Variants in VANGL1 observed in about 807,000 individuals in gnomAD.
VANGL1 encodes vang-like protein 1.
A neutral mutation model predicts 48.4 loss-of-function variants in VANGL1; 18 were observed. The ratio of observed to expected loss-of-function variants is 0.37; its 90% confidence interval spans 0.26 to 0.55. VANGL1 has a LOEUF of 0.55. Among genes scored for constraint, VANGL1 ranks in the 20% least tolerant of loss-of-function variants. The pLI is 0.81. For missense variants in VANGL1, 667 were observed against 675.8 expected (o/e 0.99, Z 0.14); for synonymous variants, 257 against 261.8 (o/e 0.98, Z 0.18).
chr1:115,692,761 C>T lies in VANGL1; in HGVS notation c.*1382C>T, dbSNP rs553736072. 2.6e-4 allele frequency: 40 copies of T among 152,438 alleles called. No homozygotes were observed. Among genetic ancestry groups the T allele is most frequent in the African/African-American group, 8.4e-4 (35 of 41,590 alleles). 9.4% of individuals were successfully genotyped at this position (152,438 alleles called of 1,614,324 possible). ...GAGCCCTGCTGCAGGGGAGCTCCTT[C>T]AGGAGCCCCATCCGGACCTCTTGCA... On this transcript the variant is annotated 3_prime_UTR_variant, in exon 8 of 8. Transcript: ENST00000355485.
intron 4 of VANGL1, among the ~76,000 whole-genome samples, chr1:115,675,043 A>G (rs1214377364): frequency 1.3e-5 from 2 of 152,094 alleles, no homozygotes; most frequent in Admixed American, 1.3e-4. Context: ...TATGGTCACG[A>G]TTGTTTCCTT....
intron 2 of VANGL1, 97 bp from the exon 3 acceptor site, chr1:115,659,544 T>A: frequency 6.7e-7 from 1 of 1,491,750 alleles, no homozygotes; most frequent in South Asian, 1.1e-5. Context: ...TGTGTGTATG[T>A]AGAATTTCCC....
intron 3 of VANGL1, among the ~76,000 whole-genome samples, chr1:115,661,333 A>G (rs1004619793): frequency 6.6e-6 from 1 of 152,002 alleles, no homozygotes; most frequent in Admixed American, 6.6e-5. Context: ...TTTCTAGTCA[A>G]TCTCTGCCCC....
intron 4 of VANGL1, among the ~76,000 whole-genome samples, chr1:115,676,430 G>A (rs992199749): frequency 6.6e-6 from 1 of 152,202 alleles, no homozygotes; most frequent in Admixed American, 6.5e-5. Flanking sequence ...CTCTGGAGGA[G>A]GTTGGTACAG....
Position 115,687,986 on chromosome 1 carries a change from A to ATAGATAGATAGG in VANGL1, c.1314+2463_1314+2464insTAGATAGGTAGA, listed in dbSNP as rs1264696721. Among the ~76,000 whole-genome samples the ATAGATAGATAGG allele has an allele frequency of 9.7e-5, 13 of 134,232 alleles. 3 individuals are homozygous for ATAGATAGATAGG. The highest frequency in any genetic ancestry group is 2.4e-4 in the Admixed American group (3 of 12,654). 88.1% of individuals were successfully genotyped at this position (134,232 alleles called of 152,430 possible). On this transcript the variant is annotated intron_variant, in intron 7 of 7. Coordinates refer to ENST00000355485, the MANE Select transcript of VANGL1 (RefSeq NM_138959.3). ...GATAGATAGATAGATAGATAGATAG[A>ATAGATAGATAGG]TAGACACATAGATAGATACATAGAT... is the stretch of plus-strand genomic sequence containing the variant.
chr1:115,676,249 C>T (rs1271231052), intron 4 of VANGL1, among the ~76,000 whole-genome samples: 2 of 152,108 alleles, frequency 1.3e-5, no homozygotes, highest in Non-Finnish European at 2.9e-5. Flanking sequence ...AGTACTCCTA[C>T]AATGGATGCC....
chr1:115,645,530 G>A (rs1264421345), intron 1 of VANGL1, among the ~76,000 whole-genome samples: 3 of 152,188 alleles, frequency 2.0e-5, no homozygotes, highest in African/African-American at 7.2e-5. Context: ...GAGCAGTTAA[G>A]TAACTTGTTC....
At chr1:115,676,912 C>T (rs1391482789) in intron 4 of VANGL1, among the ~76,000 whole-genome samples, 1 of 152,214 alleles carries the variant, frequency 6.6e-6, no homozygotes, top group African/African-American at 2.4e-5. Flanking sequence ...TCAGGGTTTT[C>T]TGTGCTGCTC....
At chr1:115,682,285 C>T in intron 4 of VANGL1, 79 bp from the exon 5 acceptor site, 1 of 1,579,134 alleles carries the variant, frequency 6.3e-7, no homozygotes, top group Non-Finnish European at 8.6e-7. Flanking sequence ...CTTTACCTGA[C>T]TCCAAAAGAG....
At chr1:115,649,710 T>G (rs1346100609) in intron 1 of VANGL1, among the ~76,000 whole-genome samples, 1 of 152,220 alleles carries the variant, frequency 6.6e-6, no homozygotes, top group South Asian at 2.1e-4. Flanking sequence ...TGGGGCCTGA[T>G]AGCTAATAAG....
chr1:115,655,175 CAGAG>C (rs1652297604), intron 2 of VANGL1, among the ~76,000 whole-genome samples: 2 of 152,124 alleles, frequency 1.3e-5, no homozygotes, highest in Admixed American at 6.5e-5. Flanking sequence ...CAGCAGCCAG[CAGAG>C]AGAAAGGACG....
In VANGL1 at chr1:115,695,506, G is replaced by A. The variant is rs1027122546; in HGVS notation, c.*4127G>A. On this transcript the variant is annotated 3_prime_UTR_variant, in exon 8 of 8. Coordinates refer to ENST00000355485, the MANE Select transcript of VANGL1 (RefSeq NM_138959.3). ...CTTGATTGGTATTCAGTGCAGTAGC[G>A]AAATGAGATAGTTTAGACACTGTTG... 3 of 152,770 alleles carry A rather than the reference G, an allele frequency of 2.0e-5. No individual in the cohort carries two copies. Among genetic ancestry groups the A allele is most frequent in the Admixed American group, 6.5e-5 (1 of 15,304 alleles). 9.5% of individuals were successfully genotyped at this position (152,770 alleles called of 1,614,324 possible).
chr1:115,668,489 T>A (rs72701666), intron 4 of VANGL1, among the ~76,000 whole-genome samples: 1 of 152,332 alleles, frequency 6.6e-6, no homozygotes, highest in Non-Finnish European at 1.5e-5. Flanking sequence ...GAGCCTTTGG[T>A]CAGACCTTTT....
Position 115,664,176 on chromosome 1 carries a change from G to A in VANGL1, c.720G>A (p.Leu240=), listed in dbSNP as rs200762200. The change falls in exon 4 of 8, where the codon CTG becomes CTA. Residue 240 remains leucine (L), a synonymous_variant. Coordinates refer to ENST00000355485, the MANE Select transcript of VANGL1 (RefSeq NM_138959.3). ...LLFIHYLAIV[L]LELRQLQPMF... ...TCATCCATTACCTGGCCATCGTCCTGCTGGAGCTCAGGCAGCTGCAGCCCA... is the reference window on the plus strand; with the variant it reads ...TCATCCATTACCTGGCCATCGTCCTACTGGAGCTCAGGCAGCTGCAGCCCA... The A allele has an allele frequency of 3.7e-6, 6 of 1,614,064 alleles. No homozygotes were observed. The African/African-American group carries it at 5.3e-5, about 14-fold the overall frequency.
Position 115,651,261 on chromosome 1 carries a change from TCCCC to T in VANGL1, c.-137-14_-137-11del. 3.0e-6 allele frequency: 2 copies of T among 661,996 alleles called. No homozygotes were observed. The highest frequency in any genetic ancestry group is 2.6e-5 in the Admixed American group (1 of 37,742). The allele number at this position is 661,996 out of a possible 1,614,324, so 41.0% of individuals were successfully genotyped here. On this transcript the variant is annotated splice_polypyrimidine_tract_variant and intron_variant, in intron 1 of 7. Coordinates refer to ENST00000355485, the MANE Select transcript of VANGL1 (RefSeq NM_138959.3). Reference sequence around the variant, plus strand: ...CTCTGAAGATTAATGTCTTTTTTTTTCCCCCTCTTTCCCAGAATTTGTTCCTGTT... The same window carrying T: ...CTCTGAAGATTAATGTCTTTTTTTTTCTCTTTCCCAGAATTTGTTCCTGTT...
Position 115,682,579 on chromosome 1 carries a change from G to C in VANGL1, c.946+82G>C, listed in dbSNP as rs1045937810. On this transcript the variant is annotated intron_variant, in intron 5 of 7. Coordinates refer to ENST00000355485, the MANE Select transcript of VANGL1 (RefSeq NM_138959.3). The stretch of plus-strand genomic sequence containing the variant: ...TTAAGATTCATGGTACGTTTGGTTC[G>C]ACTTCTTCTCTGGGCCTACCTTTAT... The C allele has an allele frequency of 3.1e-6, 5 of 1,603,844 alleles. No individual in the cohort carries two copies. In the African/African-American group the frequency reaches 6.7e-5, roughly 21 times the overall value.
intron 4 of VANGL1, among the ~76,000 whole-genome samples, chr1:115,680,300 G>A (rs1006984442): frequency 4.6e-5 from 7 of 152,264 alleles, no homozygotes; most frequent in South Asian, 2.1e-4. Context: ...GCTCTTCTCC[G>A]TGGTTACTCA....
rs1557762232 is a variant in VANGL1 at position 115,651,484 on chromosome 1, G to T, written c.71G>T (p.Gly24Val). The change falls in exon 2 of 8, where the codon GGG (glycine) becomes GTG (valine). Residue 24 changes from glycine to valine, a missense_variant and splice_region_variant. By Grantham distance (109) the Gly-to-Val change is moderately radical (BLOSUM62 -3). Coordinates refer to ENST00000355485, the MANE Select transcript of VANGL1 (RefSeq NM_138959.3). The stretch of plus-strand genomic sequence containing the variant: ...CATTCGAAAAAATCTCACAGACAAG[G>T]GTATGTAAGTTGTTCATTATTACAC... ...SSHSKKSHRQGERTRERHKSP... is the reference protein window; with the variant it reads ...SSHSKKSHRQVERTRERHKSP... 1.9e-6 allele frequency: 3 copies of T among 1,613,282 alleles called. No individual in the cohort carries two copies. The highest frequency in any genetic ancestry group is 2.7e-5 in the African/African-American group (2 of 74,872).
At chr1:115,646,732 G>A (rs1445560472) in intron 1 of VANGL1, among the ~76,000 whole-genome samples, 1 of 152,076 alleles carries the variant, frequency 6.6e-6, no homozygotes, top group Non-Finnish European at 1.5e-5. Flanking sequence ...AAGTGCCTCT[G>A]CCCTCATGGA....
Sources: allele counts gnomAD v4.1 joint callset (sites outside exome capture counted in the v4.1 genomes callset), GRCh38; gene constraint gnomAD v4.1.1; transcripts MANE v1.5; gene names NCBI Gene and HGNC (gene_info 2026-07-23, HGNC 2026-07-21).